The following TMEM50B variants were observed in gnomAD, a reference collection of about 807,000 sequenced individuals.
TMEM50B encodes the protein HCV p7-trans-regulated protein 3.
In TMEM50B, 14 loss-of-function variants were observed where a neutral mutation model predicts 23.4. That is an observed-to-expected ratio of 0.60 (90% CI 0.39 to 0.93). TMEM50B has a LOEUF of 0.93. TMEM50B is among the 40% of genes least tolerant of loss of function. The pLI is 0.00. For missense variants in TMEM50B, 159 were observed against 193.0 expected, an observed-to-expected ratio of 0.82 and a Z score of 1.04; for synonymous variants, 64 against 62.3, an observed-to-expected ratio of 1.03 and a Z score of -0.13.
intron 6 of TMEM50B, among the ~76,000 whole-genome samples, chr21:33,451,148 G>T (rs1166695739): frequency 6.6e-6 from 1 of 152,100 alleles, no homozygotes; most frequent in Non-Finnish European, 1.5e-5. Context: ...ACAAAAAAAT[G>T]AATCAATAAA....
chr21:33,474,546 G>A (rs142280261), intron 1 of TMEM50B, among the ~76,000 whole-genome samples: 4,953 of 150,812 alleles, frequency 0.033, 269 homozygotes, highest in African/African-American at 0.11. Context: ...CACTTTGGGA[G>A]GCCAAGGTGG....
At chr21:33,436,039 C>T (rs989820509) in intron 8 of TMEM50B, among the ~76,000 whole-genome samples, 18 of 151,864 alleles carry the variant, frequency 1.2e-4, no homozygotes, top group Non-Finnish European at 2.5e-4. Context: ...CCAGCCTGGG[C>T]GAAAAAGAGA....
chr21:33,469,338 C>T (rs2084292072), intron 1 of TMEM50B, among the ~76,000 whole-genome samples: 1 of 152,130 alleles, frequency 6.6e-6, no homozygotes, highest in South Asian at 2.1e-4. Flanking sequence ...GTAATCACAG[C>T]TACTCGGGAG....
intron 6 of TMEM50B, among the ~76,000 whole-genome samples, chr21:33,454,151 T>G (rs1159387702): frequency 6.6e-6 from 1 of 151,318 alleles, no homozygotes; most frequent in Non-Finnish European, 1.5e-5. Flanking sequence ...TAGAATGGAC[T>G]TCATTTTGGG....
intron 8 of TMEM50B, chr21:33,432,920 C>G (rs1175423630): frequency 1.3e-6 from 2 of 1,495,044 alleles, no homozygotes; most frequent in East Asian, 2.3e-5. Context: ...GGGTCTTGCT[C>G]TGTTGCCCAG....
downstream of TMEM50B, among the ~76,000 whole-genome samples, chr21:33,448,192 A>C (rs61525298): frequency 6.6e-6 from 1 of 151,900 alleles, no homozygotes; most frequent in South Asian, 2.1e-4. Context: ...ACCGGGTTTC[A>C]GTATGTTGGC....
intron 2 of TMEM50B, 48 bp from the exon 3 acceptor site, chr21:33,467,170 C>T: frequency 6.8e-7 from 1 of 1,461,630 alleles, no homozygotes; most frequent in Non-Finnish European, 9.6e-7. Flanking sequence ...CTTGCTAGCA[C>T]AATACCTGCT....
chr21:33,476,536 C>T (rs1384548373), intron 1 of TMEM50B, among the ~76,000 whole-genome samples: 2 of 151,398 alleles, frequency 1.3e-5, no homozygotes, highest in Non-Finnish European at 3.0e-5. Flanking sequence ...CCGAGGCCAG[C>T]GGATCACGAG....
At chr21:33,472,053 G>A (rs961786795) in intron 1 of TMEM50B, among the ~76,000 whole-genome samples, 20 of 141,718 alleles carry the variant, frequency 1.4e-4, no homozygotes, top group African/African-American at 3.9e-4. Context: ...AAGAAAGAAA[G>A]AAAATTCTAG....
At chr21:33,453,106 T>G (rs2084137394) in intron 6 of TMEM50B, among the ~76,000 whole-genome samples, 1 of 152,212 alleles carries the variant, frequency 6.6e-6, no homozygotes, top group Non-Finnish European at 1.5e-5. Context: ...ATTTATGTAT[T>G]TATTTATTTT....
chr21:33,472,556 G>A (rs2084327656), intron 1 of TMEM50B, among the ~76,000 whole-genome samples: 1 of 151,624 alleles, frequency 6.6e-6, no homozygotes, highest in African/African-American at 2.4e-5. Context: ...AGAAAAGACA[G>A]AATAAGAAAT....
intron 1 of TMEM50B, among the ~76,000 whole-genome samples, chr21:33,476,487 C>A (rs754187879): frequency 6.6e-6 from 1 of 152,050 alleles, no homozygotes; most frequent in Non-Finnish European, 1.5e-5. Context: ...TAACATCAGG[C>A]GTGGTGGCTC....
intron 5 of TMEM50B, among the ~76,000 whole-genome samples, chr21:33,456,915 C>T (rs549277783): frequency 6.6e-6 from 1 of 152,228 alleles, no homozygotes; most frequent in African/African-American, 2.4e-5. Context: ...GAAACATGGC[C>T]TAGAAATGCT....
At chr21:33,437,376 C>T (rs998081147) in intron 8 of TMEM50B, 3 of 190,116 alleles carry the variant, frequency 1.6e-5, no homozygotes, top group Non-Finnish European at 3.3e-5. Flanking sequence ...CCTGTCCCAG[C>T]GAGGGACACC....
intron 1 of TMEM50B, among the ~76,000 whole-genome samples, chr21:33,477,647 T>C (rs1018613586): frequency 6.7e-6 from 1 of 149,434 alleles, no homozygotes; most frequent in Non-Finnish European, 1.5e-5. Context: ...GAGTCTCTAC[T>C]AAAAATACAA....
At chr21:33,446,670 A>AAC (rs1568973047), downstream of TMEM50B, among the ~76,000 whole-genome samples, 5 of 148,774 alleles carry the variant, frequency 3.4e-5, no homozygotes, top group African/African-American at 1.2e-4. Flanking sequence ...AAAAAAAAAA[A>AAC]AAAAAAAACC....
chr21:33,465,135 G>A (rs774388867), intron 4 of TMEM50B: 1 of 456,654 alleles, frequency 2.2e-6, no homozygotes, highest in Non-Finnish European at 3.9e-6. Flanking sequence ...TATATCATGG[G>A]CAGTGTAACA....
chr21:33,455,279 C>T (rs1305349925), intron 6 of TMEM50B, among the ~76,000 whole-genome samples: 1 of 152,108 alleles, frequency 6.6e-6, no homozygotes, highest in Non-Finnish European at 1.5e-5. Context: ...CAGCCTCAAC[C>T]TCCTCGGCTC....
At chr21:33,432,940 T>C in intron 8 of TMEM50B, 1 of 1,316,006 alleles carries the variant, frequency 7.6e-7, no homozygotes, top group Non-Finnish European at 1.1e-6. Context: ...GGCGGGAGTG[T>C]CATGGTACAA....
Sources: allele counts gnomAD v4.1 joint callset (sites outside exome capture counted in the v4.1 genomes callset), GRCh38; gene constraint gnomAD v4.1.1; transcripts MANE v1.5; gene names NCBI Gene and HGNC (gene_info 2026-07-23, HGNC 2026-07-21).